Variants in LRSAM1 observed in about 807,000 individuals in gnomAD.
LRSAM1 encodes leucine rich repeat and sterile alpha motif containing 1, also known as E3 ubiquitin-protein ligase LRSAM1.
LRSAM1 carries 96 observed loss-of-function variants against 118.1 expected under a neutral mutation model. That is an observed-to-expected ratio of 0.81 (90% CI 0.69 to 0.96). The LOEUF (loss-of-function observed/expected upper bound fraction) is 0.96. Among genes scored for constraint, LRSAM1 ranks in the 40% least tolerant of loss-of-function variants. The pLI, the probability that LRSAM1 is intolerant of heterozygous loss-of-function variation, is 0.00. For missense variants in LRSAM1, 804 were observed against 915.5 expected (o/e 0.88, Z 1.57); for synonymous variants, 322 against 364.2 (o/e 0.88, Z 1.32).
intron 7 of LRSAM1, among the ~76,000 whole-genome samples, chr9:127,460,841 T>G: frequency 1.5e-5 from 2 of 134,006 alleles, no homozygotes; most frequent in African/African-American, 2.8e-5. Context: ...CTCTTCCTGT[T>G]TCTTTCTTTT....
At chr9:127,480,450 T>C (rs1835496650) in intron 14 of LRSAM1, among the ~76,000 whole-genome samples, 1 of 152,074 alleles carries the variant, frequency 6.6e-6, no homozygotes. Context: ...GCCTGAGAAG[T>C]CTAGTGAGGG....
Position 127,501,135 on chromosome 9 carries a change from G to C in LRSAM1, c.2038G>C (p.Glu680Gln). 6.2e-7 allele frequency: 1 copy of C among 1,613,178 alleles called. No homozygotes were observed. Among genetic ancestry groups the C allele is most frequent in the Non-Finnish European group, 8.5e-7 (1 of 1,179,980 alleles). Residue 680 changes from glutamate (E) to glutamine (Q), a missense_variant, in exon 25 of 26, where the codon GAA (glutamate) becomes CAA (glutamine). Coordinates refer to ENST00000300417, the MANE Select transcript of LRSAM1 (RefSeq NM_001005373.4). ...VQASECVVCL[E>Q]REAQMIFLNC... ...GGCCTCAGAGTGTGTCGTGTGCCTG[G>C]AACGGGAGGTAAGTCCGGGGCCCTC...
Position 127,492,904 on chromosome 9 carries a change from G to C in LRSAM1, c.1599+7G>C. 6.2e-7 allele frequency: 1 copy of C among 1,613,400 alleles called. No individual in the cohort carries two copies. Among genetic ancestry groups the C allele is most frequent in the Non-Finnish European group, 8.5e-7 (1 of 1,179,478 alleles). On this transcript the variant is annotated splice_region_variant and intron_variant, in intron 21 of 25. Transcript: ENST00000300417. ...AGAGCTCCGGGAAATCCTGGTATGT[G>C]TTTGGCTTCTGTGCTCAGCATCACA... is the stretch of plus-strand genomic sequence containing the variant.
chr9:127,451,666 T>G lies in LRSAM1; in HGVS notation c.-192T>G. 1 of 340,594 alleles carries G rather than the reference T, an allele frequency of 2.9e-6. No individual in the cohort carries two copies. Among genetic ancestry groups the G allele is most frequent in the Non-Finnish European group, 5.6e-6 (1 of 179,354 alleles). 21.1% of individuals were successfully genotyped at this position (340,594 alleles called of 1,614,324 possible). ...GCCCTAGCTGTTTCCCATATTCCTT[T>G]ATCGTGAGTGTCACCCCGGTCCCCG... On this transcript the variant is annotated 5_prime_UTR_variant, in exon 1 of 26. Transcript: ENST00000300417.
chr9:127,479,980 T>C lies in LRSAM1; in HGVS notation c.1043+2T>C, dbSNP rs746455518. 6.2e-7 allele frequency: 1 copy of C among 1,614,014 alleles called. No individual in the cohort carries two copies. Among genetic ancestry groups the C allele is most frequent in the Non-Finnish European group, 8.5e-7 (1 of 1,180,004 alleles). ...GAAGCTGCTGCAGGACAATCAGAGG[T>C]TGGGCTCTGCTCCTCGGCCCCAGCC... On this transcript the variant is annotated splice_donor_variant, in intron 14 of 25. Transcript: ENST00000300417. LOFTEE classifies it high-confidence loss of function.
chr9:127,492,632 C>CT (rs1362267997), intron 20 of LRSAM1, among the ~76,000 whole-genome samples, 170 bp from the exon 21 acceptor site: 1 of 152,228 alleles, frequency 6.6e-6, no homozygotes, highest in East Asian at 1.9e-4. Flanking sequence ...GAGATGCGGG[C>CT]TTAGGGTAAG....
rs373392828 is a variant in LRSAM1, at chr9:127,466,428, AGT to A, written c.529-1309_529-1308del. Among the ~76,000 whole-genome samples the A allele has an allele frequency of 3.7e-4, 54 of 144,866 alleles. No individual in the cohort carries two copies. The South Asian group carries it at 0.012, about 31-fold the overall frequency. On this transcript the variant is annotated intron_variant, in intron 9 of 25. Coordinates refer to ENST00000300417, the MANE Select transcript of LRSAM1 (RefSeq NM_001005373.4). ...TTTTTCTATAAAATATGAATGTGAA[AGT>A]GTATGAATATATTATATGAATATAT...
At chr9:127,484,181 C>A (rs1376396827) in intron 16 of LRSAM1, among the ~76,000 whole-genome samples, 1 of 150,658 alleles carries the variant, frequency 6.6e-6, no homozygotes, top group East Asian at 2.0e-4. Flanking sequence ...TACAATATTT[C>A]TCCTTTTGTG....
chr9:127,495,104 G>A (rs979297601), intron 21 of LRSAM1, among the ~76,000 whole-genome samples: 4 of 151,998 alleles, frequency 2.6e-5, no homozygotes, highest in African/African-American at 7.2e-5. Context: ...GGCATGTGCC[G>A]CCATGCCTGG....
At chr9:127,452,731 G>A (rs921451582) in intron 2 of LRSAM1, among the ~76,000 whole-genome samples, 3 of 152,166 alleles carry the variant, frequency 2.0e-5, no homozygotes, top group Admixed American at 6.5e-5. Context: ...GTGAACCAAG[G>A]TGACCTCTGC....
intron 14 of LRSAM1, 35 bp downstream of exon 14, chr9:127,480,013 C>A (rs1835479714): frequency 4.3e-6 from 7 of 1,613,988 alleles, no homozygotes; most frequent in East Asian, 2.2e-5. Flanking sequence ...GCCCCAGAGT[C>A]CTTCCCCGTG....
intron 10 of LRSAM1, among the ~76,000 whole-genome samples, chr9:127,471,959 T>A (rs1005699387): frequency 6.6e-6 from 1 of 151,254 alleles, no homozygotes; most frequent in Non-Finnish European, 1.5e-5. Context: ...CACCACGCCC[T>A]GCAAGAAATA....
In LRSAM1 at chr9:127,479,722, T is replaced by A. The variant is rs1835462991; in HGVS notation, c.904-117T>A. The A allele has an allele frequency of 3.9e-5, 56 of 1,443,730 alleles. No homozygotes were observed. The South Asian group carries it at 6.8e-4, about 18-fold the overall frequency. 89.4% of individuals were successfully genotyped at this position (1,443,730 alleles called of 1,614,324 possible). A position where few individuals can be genotyped will look rare whatever the true frequency, so the allele number is the denominator to read the frequency against. On this transcript the variant is annotated intron_variant, in intron 13 of 25. Transcript: ENST00000300417. The stretch of plus-strand genomic sequence containing the variant: ...CCTACTGGGAGGAGCTGGCCGGAGG[T>A]CACACAAAAAGGATTGGCAAGGCAG...
At chr9:127,500,032 C>T (rs904286904) in intron 24 of LRSAM1, among the ~76,000 whole-genome samples, 5 of 151,856 alleles carry the variant, frequency 3.3e-5, no homozygotes, top group African/African-American at 1.2e-4. Context: ...GGGATAGAGT[C>T]AAGGAAGTGG....
At chr9:127,488,376 C>G (rs1183537100) in intron 18 of LRSAM1, among the ~76,000 whole-genome samples, 1 of 152,102 alleles carries the variant, frequency 6.6e-6, no homozygotes, top group African/African-American at 2.4e-5. Flanking sequence ...ATTCTCCTGC[C>G]TCAGCCTCCC....
chr9:127,499,713 G>A (rs1836300268), intron 24 of LRSAM1, among the ~76,000 whole-genome samples: 1 of 151,276 alleles, frequency 6.6e-6, no homozygotes, highest in African/African-American at 2.4e-5. Flanking sequence ...GGCAGATCAC[G>A]AGGTCAGGAG....
chr9:127,463,802 C>G (rs1049919148), intron 9 of LRSAM1, among the ~76,000 whole-genome samples: 1 of 152,186 alleles, frequency 6.6e-6, no homozygotes, highest in Admixed American at 6.5e-5. Flanking sequence ...TGAGGTAGCT[C>G]ACCTTTATCT....
chr9:127,485,354 G>A lies in LRSAM1; in HGVS notation c.1160-382G>A, dbSNP rs559219413. 3.9e-5 allele frequency among the ~76,000 whole-genome samples: 6 copies of A among 152,046 alleles called. 1 individual carries two copies. In the South Asian group the frequency reaches 6.2e-4, roughly 16 times the overall value. On this transcript the variant is annotated intron_variant, in intron 16 of 25. Transcript: ENST00000300417. ...GGGTGGATCACGAGGTCAAGAGATC[G>A]AGACCATCCTGGCTAACACAGTGAA... is the stretch of plus-strand genomic sequence containing the variant.
intron 24 of LRSAM1, among the ~76,000 whole-genome samples, chr9:127,499,585 G>C (rs909700661): frequency 6.6e-6 from 1 of 151,800 alleles, no homozygotes; most frequent in African/African-American, 2.4e-5. Flanking sequence ...GGTGGTTTGG[G>C]GGGAAGCACT....
Sources: gnomAD v4.1 joint callset for allele counts (sites outside exome capture counted in the v4.1 genomes callset) on GRCh38, gnomAD v4.1.1 for gene constraint, MANE v1.5 for transcripts, NCBI Gene and HGNC (gene_info 2026-07-23, HGNC 2026-07-21) for gene names.